Variants in CORIN observed in about 807,000 individuals in gnomAD.
The protein encoded by CORIN is corin, serine peptidase, also known as atrial natriuretic peptide-converting enzyme.
A neutral mutation model predicts 125.3 loss-of-function variants in CORIN; 117 were observed. The ratio of observed to expected loss-of-function variants is 0.93; its 90% CI spans 0.80 to 1.09. The LOEUF (loss-of-function observed/expected upper bound fraction) is 1.09. Among genes scored for constraint, CORIN ranks in the 50% least tolerant of loss-of-function variants. CORIN has a pLI of 0.00. For synonymous variants in CORIN, 450 were observed against 466.4 expected (o/e 0.96, Z 0.45); for missense variants, 1,253 against 1,306.7 (o/e 0.96, Z 0.63).
chr4:47,763,334 G>T, intron 4 of CORIN, 45 bp downstream of exon 4: 1 of 1,503,624 alleles, frequency 6.7e-7, no homozygotes, highest in Non-Finnish European at 9.2e-7. Context: ...GGACACTTCT[G>T]CTATAACCAA....
intron 4 of CORIN, among the ~76,000 whole-genome samples, chr4:47,754,519 A>C (rs1466778231): frequency 6.6e-6 from 1 of 152,080 alleles, no homozygotes; most frequent in Non-Finnish European, 1.5e-5. Flanking sequence ...TAATTCCTTA[A>C]TGTTTCCATT....
intron 4 of CORIN, among the ~76,000 whole-genome samples, chr4:47,748,079 C>A (rs1404410978): frequency 1.3e-5 from 2 of 152,100 alleles, no homozygotes; most frequent in African/African-American, 4.8e-5. Context: ...GAGGTGTAAC[C>A]AACTGAGACC....
chr4:47,743,438 T>A (rs527386507), intron 5 of CORIN, among the ~76,000 whole-genome samples: 1 of 152,206 alleles, frequency 6.6e-6, no homozygotes, highest in Admixed American at 6.5e-5. Flanking sequence ...AATACTCCCA[T>A]CAAAATTGTT....
chr4:47,736,040 A>G (rs1309885888), intron 5 of CORIN, among the ~76,000 whole-genome samples: 1 of 151,006 alleles, frequency 6.6e-6, no homozygotes, highest in Non-Finnish European at 1.5e-5. Flanking sequence ...AACACTGATG[A>G]TTTTTTTATT....
chr4:47,698,678 G>C (rs1440100420), intron 5 of CORIN, among the ~76,000 whole-genome samples: 2 of 152,180 alleles, frequency 1.3e-5, no homozygotes, highest in Non-Finnish European at 2.9e-5. Context: ...GGAAGAAGTA[G>C]GGATAGCAGC....
intron 4 of CORIN, among the ~76,000 whole-genome samples, chr4:47,762,084 CTG>C (rs1299091231): frequency 4.0e-5 from 6 of 151,484 alleles, no homozygotes; most frequent in African/African-American, 1.5e-4. Context: ...ATGTATGTGT[CTG>C]TATATATATG....
chr4:47,662,121 T>C (rs1577796923), intron 11 of CORIN, among the ~76,000 whole-genome samples: 1 of 152,178 alleles, frequency 6.6e-6, no homozygotes, highest in East Asian at 1.9e-4. Context: ...GGACACAGAT[T>C]CCCTTCTCTA....
intron 5 of CORIN, among the ~76,000 whole-genome samples, chr4:47,743,246 T>C (rs1728498375): frequency 6.6e-6 from 1 of 151,708 alleles, no homozygotes; most frequent in African/African-American, 2.4e-5. Context: ...CCATTAAAAT[T>C]AAGACCTTCT....
intron 3 of CORIN, among the ~76,000 whole-genome samples, chr4:47,785,969 T>C (rs1391574630): frequency 6.8e-6 from 1 of 147,212 alleles, no homozygotes; most frequent in East Asian, 2.1e-4. Flanking sequence ...TCACTCAGCA[T>C]CCTGTTATTG....
chr4:47,781,116 C>A (rs555218512), intron 3 of CORIN, among the ~76,000 whole-genome samples: 15 of 152,016 alleles, frequency 9.9e-5, no homozygotes, highest in Admixed American at 9.8e-4. Context: ...TAAATTTTTT[C>A]AATCAAAAGA....
intron 5 of CORIN, among the ~76,000 whole-genome samples, chr4:47,735,645 G>A (rs1176664168): frequency 6.6e-6 from 1 of 152,108 alleles, no homozygotes; most frequent in Admixed American, 6.5e-5. Flanking sequence ...AATGGGCTGG[G>A]CATGGTGGCT....
intron 1 of CORIN, among the ~76,000 whole-genome samples, chr4:47,834,842 A>G (rs1346017127): frequency 6.6e-6 from 1 of 152,344 alleles, no homozygotes; most frequent in South Asian, 2.1e-4. Context: ...TATTACATAA[A>G]GTACTTCTAG....
Position 47,661,821 on chromosome 4 carries a change from G to A in CORIN, c.1625C>T (p.Ser542Phe). Reference protein sequence around the residue: ...LCEHSKERCESVLGIVGLQWP... With the variant: ...LCEHSKERCEFVLGIVGLQWP... ...CTGTAGGCCCACAATCCCAAGAACA[G>A]ACTCACAGCGTTCTTTAGAGTGTTC... Residue 542 changes from serine to phenylalanine, a missense_variant, in exon 12 of 22, where the codon TCT becomes TTT. Transcript: ENST00000273857. The A allele has an allele frequency of 6.2e-7, 1 of 1,613,082 alleles. No individual in the cohort carries two copies. The highest frequency in any genetic ancestry group is 8.5e-7 in the Non-Finnish European group (1 of 1,179,416).
intron 16 of CORIN, among the ~76,000 whole-genome samples, chr4:47,632,976 T>A (rs1166255929): frequency 1.3e-5 from 2 of 152,030 alleles, no homozygotes; most frequent in African/African-American, 2.4e-5. Flanking sequence ...GAGGTGGGGT[T>A]TCATTATGTT....
Position 47,769,678 on chromosome 4 carries a change from A to G in CORIN, c.410-6092T>C, listed in dbSNP as rs528237733. Among the ~76,000 whole-genome samples, 9 of 152,262 alleles carry G rather than the reference A, an allele frequency of 5.9e-5. No homozygotes were observed. The East Asian group carries it at 1.3e-3, about 23-fold the overall frequency. On this transcript the variant is annotated intron_variant, in intron 3 of 21. Transcript: ENST00000273857. ...ATATTGGGGTATAAGCATAAAACCA[A>G]TGTAACTGAATGAAGAATCCAGAAA... is the stretch of plus-strand genomic sequence containing the variant.
chr4:47,653,109 C>G (rs1203857732), intron 13 of CORIN, among the ~76,000 whole-genome samples: 1 of 152,160 alleles, frequency 6.6e-6, no homozygotes, highest in Non-Finnish European at 1.5e-5. Context: ...GAGAGAGAAA[C>G]CGCATTCTCA....
chr4:47,649,369 A>G (rs940853976), intron 13 of CORIN, among the ~76,000 whole-genome samples: 1 of 152,244 alleles, frequency 6.6e-6, no homozygotes, highest in Non-Finnish European at 1.5e-5. Context: ...TTAGCCTGAC[A>G]GACCAGCCCA....
chr4:47,626,983 TGTTGTTGTTG>T (rs1444840991), intron 16 of CORIN, among the ~76,000 whole-genome samples: 1 of 124,358 alleles, frequency 8.0e-6, no homozygotes, highest in East Asian at 3.0e-4. Flanking sequence ...TTGTTGTTGT[TGTTGTTGTTG>T]TTTTTTTTTT....
chr4:47,708,743 G>A (rs1270174533), intron 5 of CORIN, among the ~76,000 whole-genome samples: 1 of 152,076 alleles, frequency 6.6e-6, no homozygotes, highest in Non-Finnish European at 1.5e-5. Flanking sequence ...GCTGCAGCCT[G>A]GAATCTTTCT....
Sources: allele counts gnomAD v4.1 joint callset (sites outside exome capture counted in the v4.1 genomes callset), GRCh38; gene constraint gnomAD v4.1.1; transcripts MANE v1.5; gene names NCBI Gene and HGNC (gene_info 2026-07-23, HGNC 2026-07-21).